DLC1: variants seen among roughly 807,000 people sequenced by gnomAD.
DLC1 encodes the protein rho GTPase-activating protein 7.
DLC1 carries 54 observed loss-of-function variants against 140.3 expected under a neutral mutation model. That is an observed-to-expected ratio of 0.38 (90% CI 0.31 to 0.48). DLC1 has a LOEUF of 0.48. DLC1 is among the 20% of genes least tolerant of loss of function. The probability of loss-of-function intolerance (pLI) is 0.96; values close to 1 mark genes in which losing one functional copy is unlikely to be tolerated. For missense variants in DLC1, 2,536 were observed against 1,907.0 expected (o/e 1.33, Z -6.14); for synonymous variants, 986 against 728.1 (o/e 1.35, Z -5.70).
At chr8:13,271,644 A>G (rs1345968317) in intron 5 of DLC1, among the ~76,000 whole-genome samples, 2 of 152,104 alleles carry the variant, frequency 1.3e-5, no homozygotes, top group African/African-American at 2.4e-5. Flanking sequence ...CTTCATAGGC[A>G]ATTCAGTTTT....
At chr8:13,133,871 G>A (rs540017942) in intron 5 of DLC1, among the ~76,000 whole-genome samples, 1 of 152,246 alleles carries the variant, frequency 6.6e-6, no homozygotes, top group Non-Finnish European at 1.5e-5. Context: ...AAGGGTACCT[G>A]TCCCTTGGAC....
intron 4 of DLC1, among the ~76,000 whole-genome samples, chr8:13,326,865 A>G (rs1299428834): frequency 6.6e-6 from 1 of 152,238 alleles, no homozygotes; most frequent in African/African-American, 2.4e-5. Context: ...TGCTGGTGTG[A>G]TTGAATGAAC....
intron 15 of DLC1, among the ~76,000 whole-genome samples, chr8:13,089,486 G>A (rs1218837365): frequency 6.6e-6 from 1 of 151,938 alleles, no homozygotes; most frequent in Non-Finnish European, 1.5e-5. Context: ...TTAGCATGGC[G>A]TGGTGGTGGG....
chr8:13,165,502 A>C (rs1006851669), intron 5 of DLC1, among the ~76,000 whole-genome samples: 3 of 152,204 alleles, frequency 2.0e-5, no homozygotes, highest in Admixed American at 2.0e-4. Context: ...CAGTCACCTC[A>C]TGGTCCGTAC....
intron 4 of DLC1, among the ~76,000 whole-genome samples, chr8:13,314,314 A>G (rs1288971174): frequency 2.0e-5 from 3 of 148,446 alleles, no homozygotes; most frequent in African/African-American, 4.9e-5. Context: ...TATATAATAT[A>G]CATATATATT....
intron 5 of DLC1, among the ~76,000 whole-genome samples, chr8:13,190,779 C>G (rs1320708243): frequency 6.6e-6 from 1 of 151,892 alleles, no homozygotes; most frequent in Non-Finnish European, 1.5e-5. Context: ...GCACAGGGGA[C>G]AAGAACCAAG....
intron 2 of DLC1, among the ~76,000 whole-genome samples, chr8:13,420,677 T>A (rs926908100): frequency 2.0e-5 from 3 of 152,136 alleles, no homozygotes; most frequent in Non-Finnish European, 4.4e-5. Context: ...GTTCCTGAGT[T>A]AGTTTGCTGA....
At position 13,532,715 on chromosome 8, in the gene DLC1, A is replaced by T. The variant is rs866719930; in HGVS notation, c.-125-32519T>A. 5.3e-5 allele frequency among the ~76,000 whole-genome samples: 8 copies of T among 152,148 alleles called. No individual in the cohort carries two copies. In the East Asian group the frequency reaches 1.4e-3, roughly 26 times the overall value. ...AAGTAACCTCCCACTTCGGCCTCCC[A>T]TAGTGCTGGGACTACAGGTGTGAGC... On this transcript the variant is annotated intron_variant, in intron 1 of 1. Coordinates refer to the DLC1 transcript ENST00000631382.
chr8:13,383,257 A>G (rs1217297005), intron 4 of DLC1, among the ~76,000 whole-genome samples: 2 of 152,352 alleles, frequency 1.3e-5, no homozygotes, highest in Non-Finnish European at 2.9e-5. Flanking sequence ...GGATTTGTAT[A>G]GACCAGTGAC....
At chr8:13,344,669 G>T (rs1009935557) in intron 4 of DLC1, among the ~76,000 whole-genome samples, 3 of 152,162 alleles carry the variant, frequency 2.0e-5, no homozygotes, top group Non-Finnish European at 4.4e-5. Context: ...GGTGCATAAG[G>T]CTAGCCACGA....
At chr8:13,320,651 G>T (rs368171085) in intron 4 of DLC1, among the ~76,000 whole-genome samples, 27 of 152,160 alleles carry the variant, frequency 1.8e-4, no homozygotes, top group African/African-American at 6.0e-4. Flanking sequence ...CTCATGAATA[G>T]ATTAAGGCTC....
intron 1 of DLC1, among the ~76,000 whole-genome samples, chr8:13,591,927 A>C (rs905171152): frequency 6.6e-6 from 1 of 152,096 alleles, no homozygotes; most frequent in African/African-American, 2.4e-5. Context: ...TGTCGAGTTC[A>C]GTGTACCTTG....
At chr8:13,111,858 C>G (rs1820140221) in intron 6 of DLC1, among the ~76,000 whole-genome samples, 1 of 152,088 alleles carries the variant, frequency 6.6e-6, no homozygotes, top group South Asian at 2.1e-4. Context: ...AAAAAATTCT[C>G]TTTGGCTGGG....
At chr8:13,488,953 T>TTTTTATTTTTTGAGATGCAA (rs1294863073) in intron 2 of DLC1, among the ~76,000 whole-genome samples, 2 of 152,152 alleles carry the variant, frequency 1.3e-5, no homozygotes, top group Non-Finnish European at 2.9e-5. Context: ...TTATTTTTTA[T>TTTTTATTTTTTGAGATGCAA]TTTTATTTTT....
intron 1 of DLC1, among the ~76,000 whole-genome samples, chr8:13,540,916 A>G: frequency 6.6e-6 from 1 of 152,232 alleles, no homozygotes. Context: ...TTTATATCAT[A>G]AATGCAGGTT....
At chr8:13,388,033 G>A (rs1341444814) in intron 4 of DLC1, among the ~76,000 whole-genome samples, 1 of 151,968 alleles carries the variant, frequency 6.6e-6, no homozygotes, top group South Asian at 2.1e-4. Context: ...GTAAAACCAT[G>A]CATACATAAA....
At chr8:13,440,809 G>A (rs1798473035) in intron 2 of DLC1, among the ~76,000 whole-genome samples, 2 of 152,074 alleles carry the variant, frequency 1.3e-5, no homozygotes, top group Admixed American at 1.3e-4. Flanking sequence ...TCTTCCTCAT[G>A]TTCTCTTGCT....
chr8:13,496,257 A>G (rs1201879607), intron 2 of DLC1, among the ~76,000 whole-genome samples: 1 of 152,172 alleles, frequency 6.6e-6, no homozygotes, highest in Non-Finnish European at 1.5e-5. Flanking sequence ...CTTTATAAAT[A>G]TTTGTTCATA....
Position 13,083,745 on chromosome 8 carries a change from T to C in DLC1, c.*2066A>G, listed in dbSNP as rs774557586. On this transcript the variant is annotated 3_prime_UTR_variant, in exon 18 of 18. Transcript: ENST00000276297. ...TTCCTGAACCTTCACCAGGGTTTCC[T>C]GTTTGGGAGTGGGTGGCTCAGTTGC... The C allele has an allele frequency of 1.3e-5, 2 of 152,782 alleles. No individual in the cohort carries two copies. Among genetic ancestry groups the C allele is most frequent in the East Asian group, 3.9e-4 (2 of 5,178 alleles). 9.5% of individuals were successfully genotyped at this position (152,782 alleles called of 1,614,324 possible).
Sources: gnomAD v4.1 joint callset for allele counts (sites outside exome capture counted in the v4.1 genomes callset) on GRCh38, gnomAD v4.1.1 for gene constraint, MANE v1.5 for transcripts, NCBI Gene and HGNC (gene_info 2026-07-23, HGNC 2026-07-21) for gene names.